The following CDK5RAP2 variants were observed in gnomAD, a reference collection of about 807,000 sequenced individuals.
CDK5RAP2 encodes the protein CDK5 regulatory subunit associated protein 2, also known as CDK5 regulatory subunit-associated protein 2.
CDK5RAP2 carries 147 observed loss-of-function variants against 232.9 expected under a neutral mutation model. That is an observed-to-expected ratio of 0.63 (90% CI 0.55 to 0.72). The LOEUF is 0.72. Ranked by LOEUF, CDK5RAP2 falls within the 30% of genes least tolerant of loss-of-function variation. The probability of loss-of-function intolerance (pLI) is 0.00; values close to 1 mark genes in which losing one functional copy is unlikely to be tolerated. For synonymous variants in CDK5RAP2, 833 were observed against 833.7 expected, an observed-to-expected ratio of 1.00 and a Z score of 0.01; for missense variants, 2,195 against 2,231.5, an observed-to-expected ratio of 0.98 and a Z score of 0.33.
At chr9:120,425,435 T>A (rs985533526) in intron 25 of CDK5RAP2, among the ~76,000 whole-genome samples, 2 of 152,218 alleles carry the variant, frequency 1.3e-5, no homozygotes, top group African/African-American at 4.8e-5. Flanking sequence ...GCTGCTCCCA[T>A]CTCTCAGGCA....
intron 14 of CDK5RAP2, among the ~76,000 whole-genome samples, chr9:120,486,905 C>A (rs62577975): frequency 1.3e-5 from 2 of 151,978 alleles, no homozygotes; most frequent in African/African-American, 2.4e-5. Context: ...CTATTGCTGG[C>A]GACGAAAGAA....
intron 36 of CDK5RAP2, among the ~76,000 whole-genome samples, chr9:120,393,037 G>A (rs919237141): frequency 2.0e-5 from 3 of 152,132 alleles, no homozygotes; most frequent in Admixed American, 6.5e-5. Flanking sequence ...CCCTTTGCAC[G>A]TCCTAAGCAT....
chr9:120,488,830 C>T (rs1279293349), intron 13 of CDK5RAP2, among the ~76,000 whole-genome samples: 2 of 152,226 alleles, frequency 1.3e-5, no homozygotes, highest in African/African-American at 4.8e-5. Context: ...TTAGAGAAAT[C>T]CCAACTGAAG....
At chr9:120,501,498 A>G (rs1414282461) in intron 12 of CDK5RAP2, among the ~76,000 whole-genome samples, 3 of 152,238 alleles carry the variant, frequency 2.0e-5, no homozygotes, top group Non-Finnish European at 4.4e-5. Context: ...TCCAGCACCT[A>G]GAATGGTACC....
chr9:120,422,754 A>G lies in CDK5RAP2; in HGVS notation c.3956-13T>C, dbSNP rs2034643705. On this transcript the variant is annotated splice_polypyrimidine_tract_variant and intron_variant, in intron 25 of 37. Transcript: ENST00000349780. ...CCAACTGATTTTCCTGGAAGCAGAA[A>G]TAACATCAAGAAAGGAGGAGAAAAA... The G allele has an allele frequency of 1.9e-6, 3 of 1,608,062 alleles. No individual in the cohort carries two copies. The highest frequency in any genetic ancestry group is 2.6e-6 in the Non-Finnish European group (3 of 1,174,694).
chr9:120,469,450 T>C (rs1330059983), intron 17 of CDK5RAP2, among the ~76,000 whole-genome samples: 1 of 152,222 alleles, frequency 6.6e-6, no homozygotes, highest in African/African-American at 2.4e-5. Context: ...TGTAAATTAT[T>C]CCCAGATAGA....
At chr9:120,496,856 C>A (rs2017975641) in intron 12 of CDK5RAP2, among the ~76,000 whole-genome samples, 1 of 141,502 alleles carries the variant, frequency 7.1e-6, no homozygotes, top group Admixed American at 6.8e-5. Context: ...CCCGGCCGCC[C>A]CTACTGGGAG....
At chr9:120,529,872 A>T in intron 8 of CDK5RAP2, 106 bp downstream of exon 8, 1 of 1,087,486 alleles carries the variant, frequency 9.2e-7, no homozygotes, top group Non-Finnish European at 1.4e-6. Flanking sequence ...ACTCATATTT[A>T]GAAGCAGGCT....
At chr9:120,532,961 C>G (rs2131940032) in intron 7 of CDK5RAP2, among the ~76,000 whole-genome samples, 1 of 152,276 alleles carries the variant, frequency 6.6e-6, no homozygotes, top group South Asian at 2.1e-4. Context: ...CACATGCTAA[C>G]AGGACCACTC....
intron 15 of CDK5RAP2, 65 bp from the exon 16 acceptor site, chr9:120,471,943 A>G (rs1337102727): frequency 6.2e-7 from 1 of 1,605,482 alleles, no homozygotes; most frequent in Non-Finnish European, 8.5e-7. Context: ...TGCAAAGCCC[A>G]GAAAGCCTTC....
chr9:120,457,745 T>C (rs2036860716), intron 20 of CDK5RAP2, among the ~76,000 whole-genome samples: 1 of 152,230 alleles, frequency 6.6e-6, no homozygotes, highest in Admixed American at 6.5e-5. Flanking sequence ...CTAAAAACTG[T>C]TATTGAACAC....
At chr9:120,418,900 G>A (rs531477086) in intron 27 of CDK5RAP2, among the ~76,000 whole-genome samples, 53 of 152,322 alleles carry the variant, frequency 3.5e-4, no homozygotes, top group African/African-American at 1.3e-3. Flanking sequence ...TGGGGCCGCT[G>A]TGAAAATTTT....
intron 12 of CDK5RAP2, among the ~76,000 whole-genome samples, chr9:120,496,815 C>T (rs1265847419): frequency 2.2e-5 from 3 of 139,504 alleles, no homozygotes; most frequent in Non-Finnish European, 3.0e-5. Context: ...CCCGGCCAGC[C>T]GCCCCGTCCG....
At chr9:120,469,801 G>A (rs573866673) in intron 17 of CDK5RAP2, among the ~76,000 whole-genome samples, 55 of 152,256 alleles carry the variant, frequency 3.6e-4, no homozygotes, top group African/African-American at 8.9e-4. Flanking sequence ...TAAGGACATC[G>A]ATTTGGATTA....
chr9:120,420,584 A>C (rs2034507502), intron 26 of CDK5RAP2, among the ~76,000 whole-genome samples: 1 of 152,084 alleles, frequency 6.6e-6, no homozygotes, highest in Non-Finnish European at 1.5e-5. Context: ...GGACCACCTA[A>C]GCCATGAGAA....
chr9:120,515,775 T>C (rs890113426), intron 12 of CDK5RAP2, among the ~76,000 whole-genome samples: 2 of 152,152 alleles, frequency 1.3e-5, no homozygotes, highest in African/African-American at 4.8e-5. Context: ...AAAATGCTCA[T>C]CATCACTGGC....
intron 15 of CDK5RAP2, among the ~76,000 whole-genome samples, chr9:120,474,142 T>C (rs988330775): frequency 1.3e-5 from 2 of 152,206 alleles, no homozygotes; most frequent in Admixed American, 6.5e-5. Flanking sequence ...TGCTTTGCGA[T>C]TGTGTTGAGG....
In CDK5RAP2 at chr9:120,472,808, G is replaced by A. The variant is rs536145074; in HGVS notation, c.1728-930C>T. ...CCTGTCCAATAGAACTTTCTCCAGT[G>A]ATGGAAATGTTCTATATCTTCACTG... On this transcript the variant is annotated intron_variant, in intron 15 of 37. Transcript: ENST00000349780. 1.2e-4 allele frequency among the ~76,000 whole-genome samples: 19 copies of A among 152,350 alleles called. 1 individual carries two copies. The East Asian group carries it at 3.1e-3, about 25-fold the overall frequency.
At chr9:120,550,378 C>A (rs1345207951) in intron 4 of CDK5RAP2, among the ~76,000 whole-genome samples, 2 of 152,142 alleles carry the variant, frequency 1.3e-5, no homozygotes, top group African/African-American at 4.8e-5. Context: ...TACAAATAAC[C>A]CTATGACAAA....
Sources: allele counts gnomAD v4.1 joint callset (sites outside exome capture counted in the v4.1 genomes callset), GRCh38; gene constraint gnomAD v4.1.1; transcripts MANE v1.5; gene names NCBI Gene and HGNC (gene_info 2026-07-23, HGNC 2026-07-21).